Variants in MFRP observed in about 807,000 individuals in gnomAD.
MFRP encodes C1q and TNF related 5.
In MFRP, 74 loss-of-function variants were observed where a neutral mutation model predicts 65.8. The ratio of observed to expected loss-of-function variants is 1.12; its 90% CI spans 0.93 to 1.36. The LOEUF (loss-of-function observed/expected upper bound fraction) is 1.36. Ranked by LOEUF, MFRP falls within the 40% of genes most tolerant of loss-of-function variation. The probability of loss-of-function intolerance (pLI) is 0.00; values close to 1 mark genes in which losing one functional copy is unlikely to be tolerated. For synonymous variants in MFRP, 336 were observed against 288.3 expected (o/e 1.17, Z -1.68); for missense variants, 838 against 736.0 (o/e 1.14, Z -1.60).
At chr11:119,344,231 A>G (rs2135371227) in intron 8 of MFRP, 84 bp downstream of exon 8, 3 of 1,301,518 alleles carry the variant, frequency 2.3e-6, no homozygotes, top group African/African-American at 2.9e-5. Flanking sequence ...GGTAGTGTCT[A>G]CCATGCCATT....
Position 119,345,955 on chromosome 11 carries a change from G to C in MFRP, c.272-27C>G, listed in dbSNP as rs753332267. On this transcript the variant is annotated intron_variant, in intron 3 of 14. Transcript: ENST00000619721. ...TGGAGGCGAGAAGATGGAGGGTGGC[G>C]TTCAGAGGAGCTGGGTCCTGGGAGG... The C allele has an allele frequency of 2.5e-6, 4 of 1,613,580 alleles. No individual in the cohort carries two copies. The Admixed American group carries it at 5.0e-5, about 20-fold the overall frequency.
chr11:119,341,480 T>C lies in MFRP; in HGVS notation c.*68A>G, dbSNP rs1950501687. ...ACCCTGCTGATGCTCCTTCCTTTGT[T>C]CCCCTGCGTGCCAGCCCTGACCGGC... On this transcript the variant is annotated 3_prime_UTR_variant, in exon 13 of 15. Coordinates refer to ENST00000619721, the MANE Select transcript of MFRP (RefSeq NM_031433.4). 1.5e-6 allele frequency: 2 copies of C among 1,339,416 alleles called. No homozygotes were observed. Among genetic ancestry groups the C allele is most frequent in the Non-Finnish European group, 2.1e-6 (2 of 947,296 alleles). 83.0% of individuals were successfully genotyped at this position (1,339,416 alleles called of 1,614,324 possible).
Position 119,346,466 on chromosome 11 carries a change from C to T in MFRP, c.48G>A (p.Ser16=), listed in dbSNP as rs371836189. ...GATTCTATGTGGTCCTTACCTTGCT[C>T]GATTCTGTTGCCTCCATGCAGAGGA... The part of the protein sequence containing the change: ...DVILCMEATE[S]SKTEFCNPAF... Residue 16 remains serine (S), a synonymous_variant, in exon 1 of 15, where the codon TCG becomes TCA. Transcript: ENST00000619721. 1.2e-4 allele frequency: 187 copies of T among 1,614,096 alleles called. 1 individual carries two copies. Among genetic ancestry groups the T allele is most frequent in the African/African-American group, 5.5e-4 (41 of 74,998 alleles).
At chr11:119,344,054 TG>T in intron 8 of MFRP, 90 bp from the exon 9 acceptor site, 2 of 1,506,622 alleles carry the variant, frequency 1.3e-6, no homozygotes, top group Non-Finnish European at 1.8e-6. Context: ...CACTGCTGGC[TG>T]GGGGGATGGG....
In MFRP at chr11:119,345,991, G is replaced by C. The variant is rs749811252; in HGVS notation, c.271+55C>G. On this transcript the variant is annotated intron_variant, in intron 3 of 14. Transcript: ENST00000619721. ...CTGGGTCCTGGGAGGCTGGGAGAGC[G>C]GCTCATGGAGTTTCATTCCAAAGCC... The C allele has an allele frequency of 4.3e-6, 7 of 1,612,914 alleles. No homozygotes were observed. In the Admixed American group the frequency reaches 5.0e-5, roughly 12 times the overall value.
intron 5 of MFRP, 56 bp from the exon 6 acceptor site, chr11:119,345,060 A>G: frequency 1.9e-6 from 3 of 1,576,450 alleles, no homozygotes; most frequent in Non-Finnish European, 8.6e-7. Flanking sequence ...TCAGCCAGAG[A>G]GGAGCTTGCC....
Position 119,346,619 on chromosome 11 carries a change from C to T in MFRP, c.-106G>A, listed in dbSNP as rs895561291. 2.5e-6 allele frequency: 3 copies of T among 1,201,588 alleles called. No individual in the cohort carries two copies. The highest frequency in any genetic ancestry group is 1.2e-5 in the South Asian group (1 of 81,068). 74.4% of individuals were successfully genotyped at this position (1,201,588 alleles called of 1,614,324 possible). ...CCTGTCAGAGGGGCAGCCTCTACTA[C>T]CCGAGGGAAAAGGCTGCCAGGCTAG... On this transcript the variant is annotated 5_prime_UTR_variant, in exon 1 of 15. Coordinates refer to ENST00000619721, the MANE Select transcript of MFRP (RefSeq NM_031433.4).
intron 11 of MFRP, 127 bp from the exon 12 acceptor site, chr11:119,342,111 G>T (rs1288373265): frequency 5.3e-6 from 6 of 1,140,242 alleles, no homozygotes; most frequent in African/African-American, 3.0e-5. Flanking sequence ...GGAAGCAAGA[G>T]GATAACAAAG....
rs373354558 is a variant in MFRP at position 119,344,290 on chromosome 11, G to C, written c.975+25C>G. The C allele has an allele frequency of 3.1e-6, 5 of 1,608,502 alleles. No homozygotes were observed. In the South Asian group the frequency reaches 5.5e-5, roughly 18 times the overall value. ...AGGTGCTTCCGTGTGTGCCCCTCCC[G>C]TTCTGCATGGAGCACTGTGCTTACC... is the stretch of plus-strand genomic sequence containing the variant. On this transcript the variant is annotated intron_variant, in intron 8 of 14. Transcript: ENST00000619721.
At position 119,340,808 on chromosome 11, in the gene MFRP, C is replaced by T; in HGVS notation, c.*740G>A. ...CCCGGCCAGGCGCCCCCTGCCCTGCCGTCACCCCAGTCCTGGTTCGCTCCC... is the reference window on the plus strand; with the variant it reads ...CCCGGCCAGGCGCCCCCTGCCCTGCTGTCACCCCAGTCCTGGTTCGCTCCC... On this transcript the variant is annotated 3_prime_UTR_variant, in exon 13 of 15. Transcript: ENST00000619721. 4.0e-6 allele frequency: 1 copy of T among 250,416 alleles called. No individual in the cohort carries two copies. Among genetic ancestry groups the T allele is most frequent in the Non-Finnish European group, 7.7e-6 (1 of 129,802 alleles). The allele number at this position is 250,416 out of a possible 1,614,324, so 15.5% of individuals were successfully genotyped here.
chr11:119,345,736 G>A (rs1343935593), intron 4 of MFRP, 37 bp downstream of exon 4: 1 of 1,612,886 alleles, frequency 6.2e-7, no homozygotes, highest in African/African-American at 1.3e-5. Context: ...CCGTCATCTT[G>A]GGCCCTTCTC....
Position 119,345,567 on chromosome 11 carries a change from G to C in MFRP, c.494C>G (p.Pro165Arg), listed in dbSNP as rs369566448. Residue 165 changes from proline to arginine, a missense_variant, in exon 5 of 15, where the codon CCC becomes CGC. Pro to Arg is a moderately radical substitution (Grantham distance 103, BLOSUM62 -2). Transcript: ENST00000619721. The stretch of plus-strand genomic sequence containing the variant: ...ATGCCACACGCAGTGGGTGTTGGGG[G>C]GGTAAGGGTCTGGGTAGTTAGGGCT... ...FSSPNYPDPYPPNTHCVWHIQ... is the reference protein window; with the variant it reads ...FSSPNYPDPYRPNTHCVWHIQ... The C allele has an allele frequency of 1.2e-5, 19 of 1,613,930 alleles. No homozygotes were observed. The highest frequency in any genetic ancestry group is 1.5e-5 in the Non-Finnish European group (18 of 1,180,040).
chr11:119,342,180 G>T (rs1014107633), intron 11 of MFRP, among the ~76,000 whole-genome samples, 196 bp from the exon 12 acceptor site: 2 of 152,200 alleles, frequency 1.3e-5, no homozygotes, highest in African/African-American at 2.4e-5. Flanking sequence ...CTCCAGCATC[G>T]CTTGCCAGCC....
At position 119,339,297 on chromosome 11, in the gene MFRP, G is replaced by C. The variant is rs200181343; in HGVS notation, c.*1662C>G. On this transcript the variant is annotated 3_prime_UTR_variant, in exon 15 of 15. Coordinates refer to ENST00000619721, the MANE Select transcript of MFRP (RefSeq NM_031433.4). This position sits in a 1 kb window ranked among gnomAD's most constrained non-coding sequence, Gnocchi z 5.4. ...TTGTCAGCCTCACACCCTCCTTCTA[G>C]GAGTGAGAGCATGAGCTCACTTTGC... The C allele has an allele frequency of 2.1e-3, 3,444 of 1,603,536 alleles. 100 individuals are homozygous for C. In the South Asian group the frequency reaches 0.036, roughly 17 times the overall value.
Position 119,341,238 on chromosome 11 carries a change from A to C in MFRP, c.*310T>G, listed in dbSNP as rs1950499778. 1 of 445,516 alleles carries C rather than the reference A, an allele frequency of 2.2e-6. No individual in the cohort carries two copies. The highest frequency in any genetic ancestry group is 3.7e-5 in the Admixed American group (1 of 26,908). The allele number at this position is 445,516 out of a possible 1,614,324, so 27.6% of individuals were successfully genotyped here. A position where few individuals can be genotyped will look rare whatever the true frequency, so the allele number is the denominator to read the frequency against. ...TTTGTTGAATCAAGGAAAAGGTCAG[A>C]AGGCAGGCGATGGAGAAGCTGAAAA... On this transcript the variant is annotated 3_prime_UTR_variant, in exon 13 of 15. Transcript: ENST00000619721.
chr11:119,340,518 CG>C, intron 13 of MFRP, 78 bp from the exon 14 acceptor site: 1 of 1,081,158 alleles, frequency 9.2e-7, no homozygotes, highest in East Asian at 2.7e-5. Context: ...GCGGCCCAGT[CG>C]GTCCCCACCC....
Position 119,341,785 on chromosome 11 carries a change from A to T in MFRP, c.1516-13T>A. 1 of 1,613,194 alleles carries T rather than the reference A, an allele frequency of 6.2e-7. No individual in the cohort carries two copies. Among genetic ancestry groups the T allele is most frequent in the South Asian group, 1.1e-5 (1 of 91,084 alleles). On this transcript the variant is annotated splice_polypyrimidine_tract_variant and intron_variant, in intron 12 of 14. Coordinates refer to ENST00000619721, the MANE Select transcript of MFRP (RefSeq NM_031433.4). ...GGCTTGTCAGGCTCTGCGGAGGGAGAGTGGCCTTCAGGCACCTGCTCCCAG... is the reference window on the plus strand; with the variant it reads ...GGCTTGTCAGGCTCTGCGGAGGGAGTGTGGCCTTCAGGCACCTGCTCCCAG...
rs1950469140 is a variant in MFRP at position 119,339,120 on chromosome 11, G to A, written c.*1839C>T. On this transcript the variant is annotated 3_prime_UTR_variant, in exon 15 of 15. Coordinates refer to ENST00000619721, the MANE Select transcript of MFRP (RefSeq NM_031433.4). The surrounding 1 kb of genome is among the most constrained non-coding windows in gnomAD (Gnocchi z 5.4). Reference sequence around the variant, plus strand: ...GCACAGCACACTCCTCTGGTCTTGGGCAGAAATCCAGCCACTGCCCCATGC... The same window carrying A: ...GCACAGCACACTCCTCTGGTCTTGGACAGAAATCCAGCCACTGCCCCATGC... 2 of 609,610 alleles carry A rather than the reference G, an allele frequency of 3.3e-6. No homozygotes were observed. The highest frequency in any genetic ancestry group is 5.7e-6 in the Non-Finnish European group (2 of 353,040). The allele number at this position is 609,610 out of a possible 1,614,324, so 37.8% of individuals were successfully genotyped here.
chr11:119,339,250 C>T lies in MFRP; in HGVS notation c.*1709G>A, dbSNP rs1449090715. The T allele has an allele frequency of 6.7e-7, 1 of 1,495,110 alleles. No homozygotes were observed. The highest frequency in any genetic ancestry group is 9.1e-7 in the Non-Finnish European group (1 of 1,099,846). The allele number at this position is 1,495,110 out of a possible 1,614,324, so 92.6% of individuals were successfully genotyped here. On this transcript the variant is annotated 3_prime_UTR_variant, in exon 15 of 15. Coordinates refer to ENST00000619721, the MANE Select transcript of MFRP (RefSeq NM_031433.4). The surrounding 1 kb of genome is among the most constrained non-coding windows in gnomAD (Gnocchi z 5.4). ...AGTCATTCACAATATTCCAGGGGGG[C>T]CAGCCCTCCTGGATGACCTGGTTGT... is the stretch of plus-strand genomic sequence containing the variant.
Sources: gnomAD v4.1 joint callset for allele counts (sites outside exome capture counted in the v4.1 genomes callset) on GRCh38, gnomAD v4.1.1 for gene constraint, Gnocchi (gnomAD v3.1) non-coding constraint, MANE v1.5 for transcripts, NCBI Gene and HGNC (gene_info 2026-07-23, HGNC 2026-07-21) for gene names.